SEMA3A: variants seen among roughly 807,000 people sequenced by gnomAD.
SEMA3A encodes the protein semaphorin 3A, also known as semaphorin-3A.
SEMA3A carries 29 observed loss-of-function variants against 97.9 expected under a neutral mutation model. The observed-to-expected ratio is 0.30, with a 90% CI of 0.22 to 0.40. The LOEUF is 0.40. Among genes scored for constraint, SEMA3A ranks in the 10% least tolerant of loss-of-function variants. The probability of loss-of-function intolerance (pLI) is 1.00; values close to 1 mark genes in which losing one functional copy is unlikely to be tolerated. For missense variants in SEMA3A, 763 were observed against 951.3 expected (o/e 0.80, Z 2.60); for synonymous variants, 321 against 323.7 (o/e 0.99, Z 0.09).
intron 7 of SEMA3A, among the ~76,000 whole-genome samples, chr7:84,013,698 T>C (rs1790979506): frequency 6.6e-6 from 1 of 152,016 alleles, no homozygotes; most frequent in Non-Finnish European, 1.5e-5. Context: ...AATACAAAAC[T>C]TAGCTAGCCA....
intron 1 of SEMA3A, among the ~76,000 whole-genome samples, chr7:84,442,202 T>A (rs953805374): frequency 6.6e-6 from 1 of 152,178 alleles, no homozygotes; most frequent in Non-Finnish European, 1.5e-5. Flanking sequence ...ACTAATGTCA[T>A]TGTAACTTTG....
intron 2 of SEMA3A, among the ~76,000 whole-genome samples, chr7:84,133,738 T>C (rs1294582254): frequency 2.0e-5 from 3 of 151,872 alleles, no homozygotes; most frequent in Non-Finnish European, 2.9e-5. Context: ...CAATCTATGT[T>C]TATATCTGTT....
chr7:83,969,940 T>A (rs1788852484), intron 15 of SEMA3A, among the ~76,000 whole-genome samples: 2 of 152,184 alleles, frequency 1.3e-5, no homozygotes, highest in Non-Finnish European at 2.9e-5. Context: ...GAAAGCAATC[T>A]CATTTTAAAT....
chr7:84,173,327 G>A (rs1017003054), intron 1 of SEMA3A, among the ~76,000 whole-genome samples: 49 of 151,896 alleles, frequency 3.2e-4, no homozygotes, highest in African/African-American at 1.1e-3. Flanking sequence ...AGGCCGAGGC[G>A]GGTGAATCAC....
chr7:84,386,574 C>G (rs1562928606), intron 1 of SEMA3A, among the ~76,000 whole-genome samples: 1 of 152,126 alleles, frequency 6.6e-6, no homozygotes. Flanking sequence ...TTCTGTGCCA[C>G]AAGAGAGAAC....
At chr7:84,169,203 G>C (rs1219390815) in intron 1 of SEMA3A, among the ~76,000 whole-genome samples, 1 of 151,162 alleles carries the variant, frequency 6.6e-6, no homozygotes, top group Non-Finnish European at 1.5e-5. Context: ...TCCCAAAAAA[G>C]AGCTTCTTTA....
chr7:84,119,920 T>C (rs894907845), intron 3 of SEMA3A, among the ~76,000 whole-genome samples: 3 of 152,150 alleles, frequency 2.0e-5, no homozygotes, highest in African/African-American at 4.8e-5. Flanking sequence ...GGATGAATTA[T>C]GGTGTCCAGT....
At chr7:83,978,281 G>A (rs942247242) in intron 14 of SEMA3A, among the ~76,000 whole-genome samples, 7 of 152,158 alleles carry the variant, frequency 4.6e-5, no homozygotes, top group African/African-American at 1.7e-4. Flanking sequence ...GAAAAGCAAA[G>A]TTTGCTTATA....
At chr7:84,303,156 T>G (rs1402701180) in intron 3 of SEMA3A, among the ~76,000 whole-genome samples, 3 of 152,126 alleles carry the variant, frequency 2.0e-5, no homozygotes, top group Non-Finnish European at 4.4e-5. Flanking sequence ...CAGAGGAGGT[T>G]AGGCATGTAT....
chr7:84,477,092 A>ATTTT (rs61617588), intron 1 of SEMA3A, among the ~76,000 whole-genome samples: 1 of 141,536 alleles, frequency 7.1e-6, no homozygotes, highest in Non-Finnish European at 1.5e-5. Context: ...ATATATATAT[A>ATTTT]TTTTTCAAAA....
At chr7:84,176,829 G>A (rs776098045) in intron 1 of SEMA3A, among the ~76,000 whole-genome samples, 5 of 152,044 alleles carry the variant, frequency 3.3e-5, no homozygotes, top group Non-Finnish European at 7.4e-5. Flanking sequence ...TAGAATGCAC[G>A]AAAGTTTAGG....
At chr7:84,253,002 C>A (rs1799642622) in intron 3 of SEMA3A, among the ~76,000 whole-genome samples, 1 of 152,108 alleles carries the variant, frequency 6.6e-6, no homozygotes, top group African/African-American at 2.4e-5. Flanking sequence ...CCTCAGCCTG[C>A]CGAGTAGCTG....
chr7:84,308,288 T>G (rs929179610), intron 2 of SEMA3A, among the ~76,000 whole-genome samples: 1 of 152,180 alleles, frequency 6.6e-6, no homozygotes, highest in Admixed American at 6.5e-5. Context: ...TAAAATTTAG[T>G]GAATTATTTT....
At chr7:84,276,236 AG>A (rs1381900774) in intron 3 of SEMA3A, among the ~76,000 whole-genome samples, 3 of 152,130 alleles carry the variant, frequency 2.0e-5, no homozygotes, top group Non-Finnish European at 4.4e-5. Flanking sequence ...CACTGAAAAA[AG>A]ATGAACATGA....
At position 84,483,475 on chromosome 7, in the gene SEMA3A, T is replaced by C. The variant is rs78569145; in HGVS notation, c.-246+8985A>G. ...TGTGTCTCTCTTGTTATAAAAGATA[T>C]CATTTTTTATAGAGAAGGAGGCTTT... On this transcript the variant is annotated intron_variant, in intron 1 of 3. Coordinates refer to the SEMA3A transcript ENST00000424555. 2.0e-3 allele frequency among the ~76,000 whole-genome samples: 308 copies of C among 152,254 alleles called. 1 individual carries two copies. Among genetic ancestry groups the C allele is most frequent in the African/African-American group, 6.7e-3 (278 of 41,558 alleles).
chr7:84,405,095 G>C (rs1804038471), intron 1 of SEMA3A, among the ~76,000 whole-genome samples: 1 of 152,088 alleles, frequency 6.6e-6, no homozygotes, highest in Non-Finnish European at 1.5e-5. Flanking sequence ...AAGGCACATA[G>C]TGGCAAATTG....
chr7:84,178,652 T>C lies in SEMA3A; in HGVS notation c.112+15823A>G, dbSNP rs184719979. ...TGCCTTGCTAATGTACCCAAATATATAAATTAAATATAATAATTATTGCAA... is the reference window on the plus strand; with the variant it reads ...TGCCTTGCTAATGTACCCAAATATACAAATTAAATATAATAATTATTGCAA... On this transcript the variant is annotated intron_variant, in intron 1 of 16. Transcript: ENST00000265362. Among the ~76,000 whole-genome samples, 7 of 152,182 alleles carry C rather than the reference T, an allele frequency of 4.6e-5. No individual in the cohort carries two copies. The East Asian group carries it at 9.7e-4, about 21-fold the overall frequency.
chr7:84,109,798 T>C (rs906012937), intron 4 of SEMA3A, among the ~76,000 whole-genome samples: 1 of 152,230 alleles, frequency 6.6e-6, no homozygotes, highest in African/African-American at 2.4e-5. Context: ...AGAGGGTTTA[T>C]AATTGAAGGC....
At chr7:84,362,156 G>T (rs1249236694) in intron 2 of SEMA3A, among the ~76,000 whole-genome samples, 1 of 151,784 alleles carries the variant, frequency 6.6e-6, no homozygotes, top group African/African-American at 2.4e-5. Flanking sequence ...CACAACTGTT[G>T]TAAACTTGAG....
Sources: allele counts gnomAD v4.1 joint callset (sites outside exome capture counted in the v4.1 genomes callset), GRCh38; gene constraint gnomAD v4.1.1; transcripts MANE v1.5; gene names NCBI Gene and HGNC (gene_info 2026-07-23, HGNC 2026-07-21).